OTC: variants seen among roughly 807,000 people sequenced by gnomAD.
The protein encoded by OTC is ornithine transcarbamylase, mitochondrial.
A neutral mutation model predicts 30.3 loss-of-function variants in OTC; 3 were observed. That is an observed-to-expected ratio of 0.10 (90% CI 0.05 to 0.26). OTC has a LOEUF of 0.26. OTC is among the 10% of genes least tolerant of loss of function. The pLI, the probability that OTC is intolerant of heterozygous loss-of-function variation, is 1.00. For missense variants in OTC, 194 were observed against 260.3 expected (o/e 0.75, Z 1.75); for synonymous variants, 111 against 99.7 (o/e 1.11, Z -0.67).
chrX:38,331,449 TTTTTTG>T, the OTC span, among the ~76,000 whole-genome samples: 1 of 75,064 alleles, frequency 1.3e-5, no homozygotes, highest in Non-Finnish European at 2.8e-5. Flanking sequence ...TTTGTTTTTT[TTTTTTG>T]TTTGTTTTTT....
chrX:38,413,214 A>G (rs1569281559), intron 9 of OTC, among the ~76,000 whole-genome samples: 1 of 112,363 alleles, frequency 8.9e-6, no homozygotes, highest in Non-Finnish European at 1.9e-5. Context: ...TCTAATCTAT[A>G]AATTGGAATA....
At chrX:38,349,465 A>G (rs1251924826), upstream of OTC, among the ~76,000 whole-genome samples, 3 of 112,710 alleles carry the variant, frequency 2.7e-5, no homozygotes, top group Non-Finnish European at 5.6e-5. Flanking sequence ...TGGTTATCAC[A>G]GGAGTGGGTT....
At chrX:38,413,000 C>A (rs1308458916) in intron 9 of OTC, among the ~76,000 whole-genome samples, 1 of 111,861 alleles carries the variant, frequency 8.9e-6, no homozygotes, top group South Asian at 3.7e-4. Flanking sequence ...GATTTCTCTA[C>A]CTGCATATGT....
chrX:38,417,004 C>G (rs936382501), intron 9 of OTC, among the ~76,000 whole-genome samples: 3 of 112,083 alleles, frequency 2.7e-5, no homozygotes, highest in Non-Finnish European at 5.6e-5. Flanking sequence ...TACTGTTGAG[C>G]AAGATCTTCC....
chrX:38,335,156 T>C, the OTC span, among the ~76,000 whole-genome samples: 3 of 112,035 alleles, frequency 2.7e-5, no homozygotes, highest in Non-Finnish European at 5.6e-5. Flanking sequence ...GTTTAGAGAA[T>C]AGGCTTGGGA....
chrX:38,365,479 G>T (rs1269247614), intron 1 of OTC, among the ~76,000 whole-genome samples: 1 of 112,832 alleles, frequency 8.9e-6, no homozygotes, highest in Non-Finnish European at 1.9e-5. Context: ...AAATGGAATT[G>T]CAAAGGAAAT....
chrX:38,417,036 G>A (rs1219786168), intron 9 of OTC, among the ~76,000 whole-genome samples: 1 of 111,733 alleles, frequency 8.9e-6, no homozygotes, highest in Non-Finnish European at 1.9e-5. Flanking sequence ...CTCTTAAGTG[G>A]TTCCCAAGGC....
chrX:38,383,483 G>C (rs543915507), intron 4 of OTC, among the ~76,000 whole-genome samples: 36 of 111,956 alleles, frequency 3.2e-4, no homozygotes, highest in African/African-American at 1.1e-3. Context: ...CAGCCCACGA[G>C]AGGGGCAGCG....
rs764551624 is a variant in OTC, at chrX:38,381,324, C to CTTTTTTTTTT, written c.299-17_299-8dup. 1 of 940,647 alleles carries CTTTTTTTTTT rather than the reference C, an allele frequency of 1.1e-6. No homozygotes were observed. The highest frequency in any genetic ancestry group is 2.8e-5 in the Admixed American group (1 of 36,147). 77.5% of individuals were successfully genotyped at this position (940,647 alleles called of 1,213,427 possible). A position where few individuals can be genotyped will look rare whatever the true frequency, so the allele number is the denominator to read the frequency against. On this transcript the variant is annotated splice_polypyrimidine_tract_variant and intron_variant, in intron 3 of 9. Coordinates refer to ENST00000039007, the MANE Select transcript of OTC (RefSeq NM_000531.6). Reference sequence around the variant, plus strand: ...GTTGTTTTTTCAAAATGATTTTTTTCTTTTTTTTTTATTGTAGGCTTTGCA... The same window carrying CTTTTTTTTTT: ...GTTGTTTTTTCAAAATGATTTTTTTCTTTTTTTTTTTTTTTTTTTTATTGTAGGCTTTGCA...
intron 4 of OTC, among the ~76,000 whole-genome samples, chrX:38,390,993 A>G (rs1421720235): frequency 9.0e-6 from 1 of 111,526 alleles, no homozygotes; most frequent in Non-Finnish European, 1.9e-5. Flanking sequence ...TACCAAAAGA[A>G]AAAACACCAA....
At chrX:38,383,457 T>C (rs888572622) in intron 4 of OTC, among the ~76,000 whole-genome samples, 2 of 111,866 alleles carry the variant, frequency 1.8e-5, no homozygotes, top group Non-Finnish European at 3.8e-5. Flanking sequence ...GATTACCCCA[T>C]AATGCTGCTT....
chrX:38,347,785 G>A (rs1374856536), upstream of OTC, among the ~76,000 whole-genome samples: 1 of 111,583 alleles, frequency 9.0e-6, no homozygotes, highest in African/African-American at 3.3e-5. Context: ...TGAGGACTCT[G>A]AGGGTACCGA....
chrX:38,346,312 G>T, the OTC span, among the ~76,000 whole-genome samples: 2 of 111,785 alleles, frequency 1.8e-5, no homozygotes, highest in Non-Finnish European at 3.8e-5. Context: ...ATGCTGGAAA[G>T]GTTGTGGAAC....
intron 1 of OTC, among the ~76,000 whole-genome samples, chrX:38,355,617 C>A (rs1353581069): frequency 8.9e-6 from 1 of 112,473 alleles, no homozygotes; most frequent in Non-Finnish European, 1.9e-5. Flanking sequence ...CTCACACATG[C>A]CCATCCATAC....
chrX:38,403,981 A>T (rs1285913741), intron 6 of OTC, among the ~76,000 whole-genome samples: 1 of 112,432 alleles, frequency 8.9e-6, no homozygotes, highest in African/African-American at 3.2e-5. Context: ...TAGTGTTAAA[A>T]GCATGTCTGA....
At chrX:38,352,591 C>A (rs749748052), upstream of OTC, 2 of 595,258 alleles carry the variant, frequency 3.4e-6, no homozygotes, top group Non-Finnish European at 5.7e-6. Flanking sequence ...CCTTTGCTCC[C>A]TCACTGCAAC....
chrX:38,403,867 C>T, intron 6 of OTC, 127 bp downstream of exon 6: 5 of 684,365 alleles, frequency 7.3e-6, no homozygotes, highest in Non-Finnish European at 9.3e-6. Context: ...ATTTAGGTTA[C>T]GTTACCAGCC....
chrX:38,340,473 G>GTTTTTTTTTTTTTTTTTT, the OTC span, among the ~76,000 whole-genome samples: 15 of 56,120 alleles, frequency 2.7e-4, no homozygotes, highest in African/African-American at 4.6e-4. Context: ...TTTTTTTTTT[G>GTTTTTTTTTTTTTTTTTT]TTTTTTTTTT....
At chrX:38,375,023 T>C (rs1240662767) in intron 3 of OTC, among the ~76,000 whole-genome samples, 2 of 112,033 alleles carry the variant, frequency 1.8e-5, no homozygotes, top group Non-Finnish European at 3.8e-5. Context: ...GGGTCCTTTC[T>C]TCAGAGTCAA....
Sources: allele counts gnomAD v4.1 joint callset (sites outside exome capture counted in the v4.1 genomes callset), GRCh38; gene constraint gnomAD v4.1.1; transcripts MANE v1.5; gene names NCBI Gene and HGNC (gene_info 2026-07-23, HGNC 2026-07-21).